Variants in SLC2A5 observed in about 807,000 individuals in gnomAD.
SLC2A5 encodes the protein solute carrier family 2, facilitated glucose transporter member 5.
A neutral mutation model predicts 50.3 loss-of-function variants in SLC2A5; 56 were observed. The ratio of observed to expected loss-of-function variants is 1.11; its 90% CI spans 0.90 to 1.39. SLC2A5 has a LOEUF of 1.39. SLC2A5 is among the 40% of genes most tolerant of loss of function. The pLI is 0.00. For synonymous variants in SLC2A5, 269 were observed against 281.9 expected (o/e 0.95, Z 0.46); for missense variants, 566 against 650.1 (o/e 0.87, Z 1.41).
intron 3 of SLC2A5, among the ~76,000 whole-genome samples, chr1:9,052,973 A>AAT (rs1491369266): frequency 2.9e-5 from 2 of 68,350 alleles, no homozygotes; most frequent in Non-Finnish European, 7.2e-5. Context: ...TTCAAAAAAA[A>AAT]ATATATATAT....
chr1:9,045,645 C>A (rs558800462), intron 4 of SLC2A5, among the ~76,000 whole-genome samples: 1 of 151,838 alleles, frequency 6.6e-6, no homozygotes, highest in Admixed American at 6.6e-5. Context: ...CCCAGCATTT[C>A]GGGAGGCTGA....
rs1406712480 is a variant in SLC2A5, at chr1:9,057,442, C to T, written c.293+6G>A. 3 of 1,606,912 alleles carry T rather than the reference C, an allele frequency of 1.9e-6. No homozygotes were observed. The African/African-American group carries it at 4.0e-5, about 22-fold the overall frequency. ...TTCAGGGAATTAAAAATTCACCTTC[C>T]CTTACCTGCCAAATTTATTCACCAA... On this transcript the variant is annotated splice_donor_region_variant and intron_variant, in intron 3 of 11. Transcript: ENST00000377424.
rs1000900824 is a variant in SLC2A5, at chr1:9,069,390, AAC to A, written c.33+112_33+113del. ...CCCTCTCCCCACCATAATCCCTCCC[AAC>A]ACAGAGTTCCCTCTGCAACACCAGG... On this transcript the variant is annotated intron_variant, in intron 1 of 11. Transcript: ENST00000377424. The A allele has an allele frequency of 2.7e-6, 3 of 1,102,164 alleles. No individual in the cohort carries two copies. The African/African-American group carries it at 4.6e-5, about 17-fold the overall frequency. The allele number at this position is 1,102,164 out of a possible 1,614,324, so 68.3% of individuals were successfully genotyped here.
intron 3 of SLC2A5, among the ~76,000 whole-genome samples, chr1:9,050,529 T>C (rs1641543653): frequency 6.6e-6 from 1 of 151,992 alleles, no homozygotes; most frequent in South Asian, 2.1e-4. Flanking sequence ...AGAAAATGAA[T>C]CTAGACACAA....
chr1:9,077,897 A>T, intron 2 of SLC2A5, among the ~76,000 whole-genome samples: 1 of 152,100 alleles, frequency 6.6e-6, no homozygotes, highest in East Asian at 1.9e-4. Context: ...GAAAGAATTC[A>T]GGGTGAGTCC....
intron 2 of SLC2A5, among the ~76,000 whole-genome samples, chr1:9,082,232 C>CATATGCTACCAGGAG (rs1269363449): frequency 6.6e-6 from 1 of 152,122 alleles, no homozygotes; most frequent in African/African-American, 2.4e-5. Flanking sequence ...ACCATATGAC[C>CATATGCTACCAGGAG]TAGCAATTCT....
chr1:9,092,498 C>G (rs1443843929), upstream of SLC2A5, among the ~76,000 whole-genome samples: 1 of 152,164 alleles, frequency 6.6e-6, no homozygotes, highest in East Asian at 1.9e-4. Flanking sequence ...AAGCTTCACC[C>G]CACTCCAATA....
At chr1:9,047,330 C>T (rs190474184) in intron 4 of SLC2A5, among the ~76,000 whole-genome samples, 3 of 152,256 alleles carry the variant, frequency 2.0e-5, no homozygotes, top group Admixed American at 6.5e-5. Flanking sequence ...TCATGACCTG[C>T]AGTTGAGAAA....
At chr1:9,058,070 C>G (rs1641808764) in intron 2 of SLC2A5, 82 bp downstream of exon 2, 1 of 991,320 alleles carries the variant, frequency 1.0e-6, no homozygotes, top group Non-Finnish European at 1.6e-6. Context: ...ACTGCGTGAA[C>G]AGCCCCACGC....
At chr1:9,088,076 C>T (rs557893768) in intron 1 of SLC2A5, among the ~76,000 whole-genome samples, 1 of 152,238 alleles carries the variant, frequency 6.6e-6, no homozygotes, top group Admixed American at 6.5e-5. Context: ...CCAGGAATAG[C>T]AAAAGGCAAG....
At chr1:9,055,432 G>A (rs976686532) in intron 3 of SLC2A5, among the ~76,000 whole-genome samples, 2 of 152,036 alleles carry the variant, frequency 1.3e-5, no homozygotes, top group African/African-American at 4.8e-5. Context: ...CAGGAGAATC[G>A]TTTGAACCCG....
At chr1:9,057,383 G>T in intron 3 of SLC2A5, 65 bp downstream of exon 3, 1 of 1,133,170 alleles carries the variant, frequency 8.8e-7, no homozygotes, top group Non-Finnish European at 1.3e-6. Context: ...TCAGTTGTAG[G>T]CCTGTATTTT....
rs1400304369 is a variant in SLC2A5 at position 9,035,240 on chromosome 1, C to T, written c.*2346G>A. On this transcript the variant is annotated 3_prime_UTR_variant, in exon 12 of 12. Transcript: ENST00000377424. Reference sequence around the variant, plus strand: ...AATGTGGCAGGACCAAGGTTTGAACCCAGGGAGCAGACATCCAGAACCATG... The same window carrying T: ...AATGTGGCAGGACCAAGGTTTGAACTCAGGGAGCAGACATCCAGAACCATG... 1 of 152,194 alleles carries T rather than the reference C, an allele frequency of 6.6e-6. No homozygotes were observed. The highest frequency in any genetic ancestry group is 1.5e-5 in the Non-Finnish European group (1 of 68,042). The allele number at this position is 152,194 out of a possible 1,614,324, so 9.4% of individuals were successfully genotyped here.
chr1:9,041,638 A>C (rs775351140), intron 5 of SLC2A5, 147 bp downstream of exon 5: 1 of 1,511,834 alleles, frequency 6.6e-7, no homozygotes, highest in Non-Finnish European at 8.9e-7. Flanking sequence ...GGCTCGGGAC[A>C]GGATGGGCCC....
intron 2 of SLC2A5, among the ~76,000 whole-genome samples, chr1:9,084,713 G>T (rs1255900507): frequency 6.6e-6 from 1 of 152,168 alleles, no homozygotes; most frequent in Non-Finnish European, 1.5e-5. Flanking sequence ...CAGCCCTATG[G>T]GGGCAGCCAC....
chr1:9,036,429 G>A lies in SLC2A5; in HGVS notation c.*1157C>T, dbSNP rs1641136395. 1 of 152,196 alleles carries A rather than the reference G, an allele frequency of 6.6e-6. No homozygotes were observed. Among genetic ancestry groups the A allele is most frequent in the African/African-American group, 2.4e-5 (1 of 41,418 alleles). 9.4% of individuals were successfully genotyped at this position (152,196 alleles called of 1,614,324 possible). Reference sequence around the variant, plus strand: ...AGCTCACTGCAACCTCTACTTCCCAGGCTTAAGCAATCCTCCCACCTCAGC... The same window carrying A: ...AGCTCACTGCAACCTCTACTTCCCAAGCTTAAGCAATCCTCCCACCTCAGC... On this transcript the variant is annotated 3_prime_UTR_variant, in exon 12 of 12. Coordinates refer to ENST00000377424, the MANE Select transcript of SLC2A5 (RefSeq NM_003039.3).
intron 3 of SLC2A5, chr1:9,049,148 C>A (rs1018639626): frequency 6.6e-6 from 3 of 456,096 alleles, no homozygotes; most frequent in South Asian, 3.1e-5. Flanking sequence ...AGGGGCCTCT[C>A]GCAATGGAGC....
At chr1:9,037,815 G>A (rs751118877) in intron 11 of SLC2A5, 26 bp from the exon 12 acceptor site, 12 of 1,613,916 alleles carry the variant, frequency 7.4e-6, no homozygotes, top group East Asian at 6.7e-5. Context: ...CAGGTGACAC[G>A]TGTGGGACGT....
intron 3 of SLC2A5, among the ~76,000 whole-genome samples, chr1:9,056,745 G>A (rs1251294192): frequency 6.6e-6 from 1 of 152,102 alleles, no homozygotes; most frequent in African/African-American, 2.4e-5. Context: ...CTAGAAATAG[G>A]GGCAAAGATA....
Sources: allele counts gnomAD v4.1 joint callset (sites outside exome capture counted in the v4.1 genomes callset), GRCh38; gene constraint gnomAD v4.1.1; transcripts MANE v1.5; gene names NCBI Gene and HGNC (gene_info 2026-07-23, HGNC 2026-07-21).